The following FBXO8 variants were observed in gnomAD, a reference collection of about 807,000 sequenced individuals.
FBXO8 encodes F-box only protein 8.
In FBXO8, 15 loss-of-function variants were observed where a neutral mutation model predicts 33.4. That is an observed-to-expected ratio of 0.45 (90% CI 0.30 to 0.69). The LOEUF is 0.69. Ranked by LOEUF, FBXO8 falls within the 30% of genes least tolerant of loss-of-function variation. The pLI is 0.08. For missense variants in FBXO8, 274 were observed against 380.3 expected (o/e 0.72, Z 2.32); for synonymous variants, 132 against 131.5 (o/e 1.00, Z -0.02).
rs560566364 is a variant in FBXO8, at chr4:174,239,079, C to T, written c.687G>A (p.Glu229=). Reference sequence around the variant, plus strand: ...ACTTTGTTATAAGAGTTTCAAGATACTCTCCACGCTCTTCAGGGGCATGGA... The same window carrying T: ...ACTTTGTTATAAGAGTTTCAAGATATTCTCCACGCTCTTCAGGGGCATGGA... The part of the protein sequence containing the change: ...RHIHAPEERG[E]YLETLITKFS... The change falls in exon 5 of 6, where the codon GAG becomes GAA. Residue 229 remains glutamate (E), a synonymous_variant. Transcript: ENST00000393674. The T allele has an allele frequency of 2.5e-6, 4 of 1,608,168 alleles. No individual in the cohort carries two copies. Among genetic ancestry groups the T allele is most frequent in the East Asian group, 2.2e-5 (1 of 44,624 alleles).
In FBXO8 at chr4:174,281,823, T is replaced by C. The variant is rs573016592; in HGVS notation, c.-9+1587A>G. On this transcript the variant is annotated intron_variant, in intron 1 of 5. Transcript: ENST00000393674. This position sits in a 1 kb window ranked among gnomAD's most constrained non-coding sequence, Gnocchi z 4.6. ...TGAGAGCAAAACGAAAAAGAAATAG[T>C]GAACATAAATTTCCAGAAATAGATG... Among the ~76,000 whole-genome samples, 3 of 152,328 alleles carry C rather than the reference T, an allele frequency of 2.0e-5. No homozygotes were observed. In the East Asian group the frequency reaches 5.8e-4, roughly 29 times the overall value.
At position 174,257,828 on chromosome 4, in the gene FBXO8, G is replaced by T. The variant is rs1410946353; in HGVS notation, c.456+1871C>A. ...CGCCCTTGACCTCTGGGGCTCAAGTGGTCCTCCTACCTCAGCCTCCGGAGT... is the reference window on the plus strand; with the variant it reads ...CGCCCTTGACCTCTGGGGCTCAAGTTGTCCTCCTACCTCAGCCTCCGGAGT... On this transcript the variant is annotated intron_variant, in intron 3 of 5. Coordinates refer to ENST00000393674, the MANE Select transcript of FBXO8 (RefSeq NM_012180.3). The surrounding 1 kb of genome is among the most constrained non-coding windows in gnomAD (Gnocchi z 4.3). Among the ~76,000 whole-genome samples, 1 of 151,964 alleles carries T rather than the reference G, an allele frequency of 6.6e-6. No individual in the cohort carries two copies. The highest frequency in any genetic ancestry group is 2.4e-5 in the African/African-American group (1 of 41,356).
In FBXO8 at chr4:174,254,351, A is replaced by C. The variant is rs1188573677; in HGVS notation, c.456+5348T>G. Reference sequence around the variant, plus strand: ...CCTGAGAGATTCACTTTCAGTAGAAAGATAAAGCCAAATTTCTAGATGTAT... The same window carrying C: ...CCTGAGAGATTCACTTTCAGTAGAACGATAAAGCCAAATTTCTAGATGTAT... On this transcript the variant is annotated intron_variant, in intron 3 of 5. Coordinates refer to ENST00000393674, the MANE Select transcript of FBXO8 (RefSeq NM_012180.3). This position sits in a 1 kb window ranked among gnomAD's most constrained non-coding sequence, Gnocchi z 4.2. Among the ~76,000 whole-genome samples the C allele has an allele frequency of 5.9e-5, 9 of 152,214 alleles. No homozygotes were observed.
chr4:174,278,763 A>G lies in FBXO8; in HGVS notation c.-9+4647T>C, dbSNP rs937963715. Reference sequence around the variant, plus strand: ...GGAATTAAAAACCAAAACAAAAGTCATAATTCTCACTGAGTTGCTTTTATA... The same window carrying G: ...GGAATTAAAAACCAAAACAAAAGTCGTAATTCTCACTGAGTTGCTTTTATA... On this transcript the variant is annotated intron_variant, in intron 1 of 5. Coordinates refer to ENST00000393674, the MANE Select transcript of FBXO8 (RefSeq NM_012180.3). This position sits in a 1 kb window ranked among gnomAD's most constrained non-coding sequence, Gnocchi z 4.1. Among the ~76,000 whole-genome samples the G allele has an allele frequency of 6.6e-6, 1 of 152,274 alleles. No individual in the cohort carries two copies. Among genetic ancestry groups the G allele is most frequent in the East Asian group, 1.9e-4 (1 of 5,190 alleles).
Position 174,275,066 on chromosome 4 carries a change from AG to A in FBXO8, c.-9+8343del, listed in dbSNP as rs1736929695. Among the ~76,000 whole-genome samples the A allele has an allele frequency of 6.6e-6, 1 of 152,228 alleles. No individual in the cohort carries two copies. The highest frequency in any genetic ancestry group is 1.5e-5 in the Non-Finnish European group (1 of 68,042). On this transcript the variant is annotated intron_variant, in intron 1 of 5. Transcript: ENST00000393674. The surrounding 1 kb of genome is among the most constrained non-coding windows in gnomAD (Gnocchi z 4.4). ...CCACATATCTGACGGACGAGTATCT[AG>A]AATATATAAACAACTCTCAAAACAA...
intron 3 of FBXO8, among the ~76,000 whole-genome samples, chr4:174,250,716 T>C (rs767151610): frequency 6.6e-6 from 1 of 152,132 alleles, no homozygotes; most frequent in Non-Finnish European, 1.5e-5. Flanking sequence ...TGAAAGTAAG[T>C]TGATGGATGT....
Position 174,262,010 on chromosome 4 carries a change from A to G in FBXO8, c.329+754T>C, listed in dbSNP as rs1736575196. On this transcript the variant is annotated intron_variant, in intron 2 of 5. Transcript: ENST00000393674. This position sits in a 1 kb window ranked among gnomAD's most constrained non-coding sequence, Gnocchi z 4.6. ...TTTTAGGCCAAAAAATCATGTACCT[A>G]TACTTTTTGTTAAAGTATATGATGC... Among the ~76,000 whole-genome samples, 1 of 152,150 alleles carries G rather than the reference A, an allele frequency of 6.6e-6. No homozygotes were observed. Among genetic ancestry groups the G allele is most frequent in the African/African-American group, 2.4e-5 (1 of 41,454 alleles).
intron 2 of FBXO8, among the ~76,000 whole-genome samples, chr4:174,260,219 C>T (rs768639591): frequency 6.6e-6 from 1 of 151,946 alleles, no homozygotes; most frequent in Non-Finnish European, 1.5e-5. Context: ...GTTGGTGATA[C>T]AGATAAGAAA....
rs1270118927 is a variant in FBXO8, at chr4:174,256,225, A to G, written c.456+3474T>C. 4.5e-6 allele frequency: 2 copies of G among 441,414 alleles called. No individual in the cohort carries two copies. The highest frequency in any genetic ancestry group is 4.1e-5 in the African/African-American group (2 of 49,050). The allele number at this position is 441,414 out of a possible 1,614,324, so 27.3% of individuals were successfully genotyped here. ...AAGTACAATACTGGAAATTATGAAA[A>G]AGTAGACTTTTTACAATACTAAGCA... On this transcript the variant is annotated intron_variant, in intron 3 of 5. Transcript: ENST00000393674. This position sits in a 1 kb window ranked among gnomAD's most constrained non-coding sequence, Gnocchi z 4.6.
rs528216373 is a variant in FBXO8, at chr4:174,256,485, A to G, written c.456+3214T>C. 6.6e-6 allele frequency among the ~76,000 whole-genome samples: 1 copy of G among 152,306 alleles called. No homozygotes were observed. Among genetic ancestry groups the G allele is most frequent in the Admixed American group, 6.5e-5 (1 of 15,292 alleles). On this transcript the variant is annotated intron_variant, in intron 3 of 5. Transcript: ENST00000393674. The surrounding 1 kb of genome is among the most constrained non-coding windows in gnomAD (Gnocchi z 4.6). Reference sequence around the variant, plus strand: ...AAAGTCTGGCTAAAGTATGACTCATACAGATAAGTGCTATATAAGAACATT... The same window carrying G: ...AAAGTCTGGCTAAAGTATGACTCATGCAGATAAGTGCTATATAAGAACATT...
chr4:174,275,780 T>C lies in FBXO8; in HGVS notation c.-9+7630A>G, dbSNP rs962473972. ...TGAAAAATCTACAACCTATGAATCA[T>C]CTCTCACTTCAGGTAAATTTGAATA... On this transcript the variant is annotated intron_variant, in intron 1 of 5. Coordinates refer to ENST00000393674, the MANE Select transcript of FBXO8 (RefSeq NM_012180.3). This position sits in a 1 kb window ranked among gnomAD's most constrained non-coding sequence, Gnocchi z 4.4. Among the ~76,000 whole-genome samples, 2 of 152,174 alleles carry C rather than the reference T, an allele frequency of 1.3e-5. No homozygotes were observed.
intron 3 of FBXO8, among the ~76,000 whole-genome samples, chr4:174,246,584 A>T (rs529958314): frequency 2.7e-5 from 4 of 147,406 alleles, no homozygotes; most frequent in Non-Finnish European, 6.0e-5. Flanking sequence ...AAGGGAAAAA[A>T]GAGAAAGTAT....
chr4:174,259,774 AG>A lies in FBXO8; in HGVS notation c.380del (p.Pro127LeufsTer2), dbSNP rs1736506587. 1.2e-6 allele frequency: 2 copies of A among 1,612,084 alleles called. No homozygotes were observed. Among genetic ancestry groups the A allele is most frequent in the Non-Finnish European group, 1.7e-6 (2 of 1,178,910 alleles). On this transcript the variant is annotated frameshift_variant, in exon 3 of 6. Coordinates refer to ENST00000393674, the MANE Select transcript of FBXO8 (RefSeq NM_012180.3). LOFTEE classifies it high-confidence loss of function. This position sits in a 1 kb window ranked among gnomAD's most constrained non-coding sequence, Gnocchi z 4.3. ...ACAATTTTCTAAAAGAAAATCCTAA[AG>A]GTGGGTTCTTATTGTATATGGAACA... ...GHCSIYNKNP[P>X]LGFSFRKLYM...
rs1302846725 is a variant in FBXO8, at chr4:174,265,452, C to G, written c.-8-2352G>C. On this transcript the variant is annotated intron_variant, in intron 1 of 5. Transcript: ENST00000393674. The surrounding 1 kb of genome is among the most constrained non-coding windows in gnomAD (Gnocchi z 4.7). Reference sequence around the variant, plus strand: ...AAATCCTGTAAGCAACTACGATGTACTTCATTATGCGAATGTATAAATAAG... The same window carrying G: ...AAATCCTGTAAGCAACTACGATGTAGTTCATTATGCGAATGTATAAATAAG... 6.6e-6 allele frequency among the ~76,000 whole-genome samples: 1 copy of G among 152,194 alleles called. No homozygotes were observed. Among genetic ancestry groups the G allele is most frequent in the African/African-American group, 2.4e-5 (1 of 41,548 alleles).
rs992821116 is a variant in FBXO8 at position 174,253,474 on chromosome 4, T to C, written c.456+6225A>G. On this transcript the variant is annotated intron_variant, in intron 3 of 5. Coordinates refer to ENST00000393674, the MANE Select transcript of FBXO8 (RefSeq NM_012180.3). This position sits in a 1 kb window ranked among gnomAD's most constrained non-coding sequence, Gnocchi z 4.5. ...AAGGTAGGGTCAGCTACCAACCAAATTGTTGTGCCACAGGTGCCAATGTTC... is the reference window on the plus strand; with the variant it reads ...AAGGTAGGGTCAGCTACCAACCAAACTGTTGTGCCACAGGTGCCAATGTTC... Among the ~76,000 whole-genome samples the C allele has an allele frequency of 5.9e-5, 9 of 152,244 alleles. No individual in the cohort carries two copies. Among genetic ancestry groups the C allele is most frequent in the Non-Finnish European group, 1.3e-4 (9 of 68,008 alleles).
rs963641005 is a variant in FBXO8, at chr4:174,282,407, T to C, written c.-9+1003A>G. On this transcript the variant is annotated intron_variant, in intron 1 of 5. Transcript: ENST00000393674. ...AAGCTGGGGTAAATTTGGGGGTAAT[T>C]TGTTACCCAGCAATAGACAACTAAT... Among the ~76,000 whole-genome samples the C allele has an allele frequency of 3.3e-5, 5 of 152,314 alleles. 1 individual carries two copies. The East Asian group carries it at 9.7e-4, about 29-fold the overall frequency.
At position 174,263,155 on chromosome 4, in the gene FBXO8, C is replaced by T. The variant is rs1464343924; in HGVS notation, c.-8-55G>A. 4.1e-6 allele frequency: 6 copies of T among 1,474,454 alleles called. No homozygotes were observed. The highest frequency in any genetic ancestry group is 5.5e-6 in the Non-Finnish European group (6 of 1,081,386). The allele number at this position is 1,474,454 out of a possible 1,614,324, so 91.3% of individuals were successfully genotyped here. ...GACATTTAAAAAGTAACCCATTTTT[C>T]CCAGTGGTATAACAAATCTGACATG... On this transcript the variant is annotated intron_variant, in intron 1 of 5. Coordinates refer to ENST00000393674, the MANE Select transcript of FBXO8 (RefSeq NM_012180.3). This position sits in a 1 kb window ranked among gnomAD's most constrained non-coding sequence, Gnocchi z 4.2.
At chr4:174,266,596 GT>G (rs1299444864) in intron 1 of FBXO8, among the ~76,000 whole-genome samples, 1 of 152,104 alleles carries the variant, frequency 6.6e-6, no homozygotes, top group African/African-American at 2.4e-5. Context: ...TCAAAATGAC[GT>G]GACATCCATT....
At chr4:174,258,535 T>C (rs1736467899) in intron 3 of FBXO8, among the ~76,000 whole-genome samples, 1 of 152,148 alleles carries the variant, frequency 6.6e-6, no homozygotes, top group East Asian at 1.9e-4. Flanking sequence ...AAAAGAAATA[T>C]CTGAATTTAA....
Sources: allele counts gnomAD v4.1 joint callset (sites outside exome capture counted in the v4.1 genomes callset), GRCh38; gene constraint gnomAD v4.1.1; non-coding constraint Gnocchi (gnomAD v3.1); transcripts MANE v1.5; gene names NCBI Gene and HGNC (gene_info 2026-07-23, HGNC 2026-07-21).